The following CCND2 variants were observed in gnomAD, a reference collection of about 807,000 sequenced individuals.
CCND2 encodes the protein cyclin D2.
Under a neutral mutation model 30.2 loss-of-function variants are expected in CCND2, and 6 were observed. The observed-to-expected ratio is 0.20, with a 90% CI of 0.11 to 0.39. The LOEUF is 0.39. CCND2 is among the 10% of genes least tolerant of loss of function. CCND2 has a pLI of 1.00. For synonymous variants in CCND2, 150 were observed against 153.1 expected (o/e 0.98, Z 0.15); for missense variants, 235 against 373.4 (o/e 0.63, Z 3.06).
At chr12:4,289,604 GC>G (rs1864070044) in intron 4 of CCND2, among the ~76,000 whole-genome samples, 1 of 152,254 alleles carries the variant, frequency 6.6e-6, no homozygotes, top group Non-Finnish European at 1.5e-5. Context: ...CATTCTGTGT[GC>G]CCTGTGGACG....
chr12:4,287,886 G>T lies in CCND2; in HGVS notation c.572-956G>T, dbSNP rs967124383. Among the ~76,000 whole-genome samples, 1 of 152,202 alleles carries T rather than the reference G, an allele frequency of 6.6e-6. No homozygotes were observed. Among genetic ancestry groups the T allele is most frequent in the East Asian group, 1.9e-4 (1 of 5,206 alleles). On this transcript the variant is annotated intron_variant, in intron 3 of 4. Transcript: ENST00000261254. The surrounding 1 kb of genome is among the most constrained non-coding windows in gnomAD (Gnocchi z 4.0). ...TGCTCGGAGGAACACAAGGGGGCTGGTCTTCCAAGAGGAGCCCTCTAGCAT... is the reference window on the plus strand; with the variant it reads ...TGCTCGGAGGAACACAAGGGGGCTGTTCTTCCAAGAGGAGCCCTCTAGCAT...
Position 4,301,869 on chromosome 12 carries a change from A to G in CCND2, c.*1860A>G. ...TTGAGATATGAGTTCTTCGTACTGG[A>G]AAAGCCCTTCCGTAGTTTGTTTTCT... On this transcript the variant is annotated 3_prime_UTR_variant, in exon 5 of 5. Transcript: ENST00000261254. 1 of 232,416 alleles carries G rather than the reference A, an allele frequency of 4.3e-6. No homozygotes were observed. The highest frequency in any genetic ancestry group is 8.5e-6 in the Non-Finnish European group (1 of 117,650). The allele number at this position is 232,416 out of a possible 1,614,324, so 14.4% of individuals were successfully genotyped here. A position where few individuals can be genotyped will look rare whatever the true frequency, so the allele number is the denominator to read the frequency against.
intron 3 of CCND2, among the ~76,000 whole-genome samples, chr12:4,284,473 G>A (rs780337862): frequency 3.3e-5 from 5 of 152,180 alleles, no homozygotes; most frequent in Admixed American, 2.0e-4. Flanking sequence ...GCCCTGGGAC[G>A]GCCTCTGTTG....
At chr12:4,297,584 A>AAC (rs1555088917) in intron 4 of CCND2, among the ~76,000 whole-genome samples, 1 of 149,958 alleles carries the variant, frequency 6.7e-6, no homozygotes, top group African/African-American at 2.4e-5. Context: ...AAAAAAAAAA[A>AAC]AAAAAAAAAA....
chr12:4,292,223 G>C (rs989112678), intron 4 of CCND2, among the ~76,000 whole-genome samples: 2 of 152,050 alleles, frequency 1.3e-5, no homozygotes, highest in African/African-American at 4.8e-5. Context: ...CTCGGGCCAC[G>C]CTATGAAATG....
At position 4,287,117 on chromosome 12, in the gene CCND2, C is replaced by T. The variant is rs1864034990; in HGVS notation, c.572-1725C>T. ...AGAAGGCGTAGGAGGGGCGGGTGGA[C>T]AGCAGGCGTGGGCGCAGCACCATTA... On this transcript the variant is annotated intron_variant, in intron 3 of 4. Transcript: ENST00000261254. This position sits in a 1 kb window ranked among gnomAD's most constrained non-coding sequence, Gnocchi z 4.0. 6.6e-6 allele frequency among the ~76,000 whole-genome samples: 1 copy of T among 152,172 alleles called. No individual in the cohort carries two copies. Among genetic ancestry groups the T allele is most frequent in the Non-Finnish European group, 1.5e-5 (1 of 68,024 alleles).
chr12:4,278,141 T>C (rs1019156754), intron 2 of CCND2, among the ~76,000 whole-genome samples: 11 of 152,156 alleles, frequency 7.2e-5, no homozygotes, highest in African/African-American at 2.7e-4. Flanking sequence ...CTGTGAAACA[T>C]TTAGGGGAAA....
At chr12:4,281,041 C>G (rs1863941322) in intron 3 of CCND2, among the ~76,000 whole-genome samples, 2 of 152,202 alleles carry the variant, frequency 1.3e-5, no homozygotes, top group South Asian at 4.1e-4. Flanking sequence ...GACAGAGGCC[C>G]AGAGGGATAC....
intron 3 of CCND2, among the ~76,000 whole-genome samples, chr12:4,280,683 A>G (rs1045721559): frequency 1.3e-5 from 2 of 151,514 alleles, no homozygotes; most frequent in East Asian, 1.9e-4. Flanking sequence ...ATCATGATTC[A>G]CTGTGGGGGA....
At chr12:4,297,628 T>A (rs893613289) in intron 4 of CCND2, 2 of 154,740 alleles carry the variant, frequency 1.3e-5, no homozygotes, top group African/African-American at 4.9e-5. Context: ...ATACCTTAAC[T>A]TTTCGCACCT....
intron 3 of CCND2, among the ~76,000 whole-genome samples, chr12:4,281,793 G>A (rs1384076205): frequency 6.6e-6 from 1 of 152,184 alleles, no homozygotes; most frequent in Non-Finnish European, 1.5e-5. Context: ...TAAGTGTGGC[G>A]AAGTGGCGGT....
chr12:4,279,278 G>C (rs2120533437), intron 3 of CCND2, among the ~76,000 whole-genome samples: 1 of 152,282 alleles, frequency 6.6e-6, no homozygotes, highest in South Asian at 2.1e-4. Context: ...GGATGGCTTG[G>C]AGATAAGCCC....
chr12:4,279,266 A>G (rs1181050978), intron 3 of CCND2, among the ~76,000 whole-genome samples: 1 of 152,218 alleles, frequency 6.6e-6, no homozygotes, highest in African/African-American at 2.4e-5. Context: ...TTTTAAGGAA[A>G]AGGATGGCTT....
At chr12:4,295,130 G>T (rs1031903021) in intron 4 of CCND2, among the ~76,000 whole-genome samples, 1 of 152,184 alleles carries the variant, frequency 6.6e-6, no homozygotes, top group Non-Finnish European at 1.5e-5. Flanking sequence ...CTAAACAAAG[G>T]TATTCATATG....
In CCND2 at chr12:4,278,841, C is replaced by G; in HGVS notation, c.493C>G (p.Arg165Gly). The part of the protein sequence containing the change: ...TPHDFIEHIL[R>G]KLPQQREKLS... ...TCATGACTTCATTGAGCACATCTTG[C>G]GCAAGCTGCCCCAGCAGCGGGAGAA... Residue 165 changes from arginine (R) to glycine (G), a missense_variant, in exon 3 of 5, where the codon CGC becomes GGC. This residue lies in a region of CCND2 where 178 missense variants were observed against 322.8 expected (regional missense o/e 0.55). Coordinates refer to ENST00000261254, the MANE Select transcript of CCND2 (RefSeq NM_001759.4). The G allele has an allele frequency of 1.2e-6, 2 of 1,614,212 alleles. No homozygotes were observed. Among genetic ancestry groups the G allele is most frequent in the Non-Finnish European group, 1.7e-6 (2 of 1,180,020 alleles).
At chr12:4,290,201 A>G (rs1404038668) in intron 4 of CCND2, among the ~76,000 whole-genome samples, 1 of 152,204 alleles carries the variant, frequency 6.6e-6, no homozygotes, top group Admixed American at 6.5e-5. Flanking sequence ...TCGCCCGCCC[A>G]CCTGGATTTT....
chr12:4,294,710 C>T (rs3217893), intron 4 of CCND2, among the ~76,000 whole-genome samples: 9,135 of 152,290 alleles, frequency 0.06, 393 homozygotes, highest in Middle Eastern at 0.11. Flanking sequence ...CAACTCTCCA[C>T]GCTCCATTCC....
Position 4,293,723 on chromosome 12 carries a change from C to G in CCND2, c.720+4733C>G, listed in dbSNP as rs977730008. ...CAGTTTCGACCACATGTGTGTGATT[C>G]ATGGGGTTTAGCATTGTGTGTTTCT... On this transcript the variant is annotated intron_variant, in intron 4 of 4. Transcript: ENST00000261254. The surrounding 1 kb of genome is among the most constrained non-coding windows in gnomAD (Gnocchi z 4.9). Among the ~76,000 whole-genome samples the G allele has an allele frequency of 1.3e-5, 2 of 152,268 alleles. No individual in the cohort carries two copies. Among genetic ancestry groups the G allele is most frequent in the East Asian group, 3.9e-4 (2 of 5,184 alleles).
chr12:4,296,560 A>T (rs1864172228), intron 4 of CCND2, among the ~76,000 whole-genome samples: 1 of 152,282 alleles, frequency 6.6e-6, no homozygotes, highest in Non-Finnish European at 1.5e-5. Flanking sequence ...GAATCCTGCC[A>T]TCTCTTTTAG....
Sources: gnomAD v4.1 joint callset for allele counts (sites outside exome capture counted in the v4.1 genomes callset) on GRCh38, gnomAD v4.1.1 for gene constraint, gnomAD v4.1.1 regional missense constraint, Gnocchi (gnomAD v3.1) non-coding constraint, MANE v1.5 for transcripts, NCBI Gene and HGNC (gene_info 2026-07-23, HGNC 2026-07-21) for gene names.